The following DOCK1 variants were observed in gnomAD, a reference collection of about 807,000 sequenced individuals.
DOCK1 encodes the protein dedicator of cytokinesis 1, also known as dedicator of cytokinesis protein 1.
DOCK1 carries 138 observed loss-of-function variants against 262.7 expected under a neutral mutation model. That is an observed-to-expected ratio of 0.53 (90% CI 0.46 to 0.61). The LOEUF is 0.61. DOCK1 is among the 20% of genes least tolerant of loss of function. The pLI is 0.00. For missense variants in DOCK1, 1,908 were observed against 2,370.7 expected, an observed-to-expected ratio of 0.80 and a Z score of 4.05; for synonymous variants, 866 against 867.4, an observed-to-expected ratio of 1.00 and a Z score of 0.03.
chr10:127,398,941 G>T (rs1473339591), intron 38 of DOCK1, among the ~76,000 whole-genome samples: 4 of 152,110 alleles, frequency 2.6e-5, no homozygotes, highest in African/African-American at 9.7e-5. Context: ...CTTCTGTCTG[G>T]GAACTAAGGA....
chr10:127,318,605 G>A (rs950090070), intron 29 of DOCK1, among the ~76,000 whole-genome samples: 3 of 152,356 alleles, frequency 2.0e-5, no homozygotes, highest in Non-Finnish European at 4.4e-5. Flanking sequence ...CCTGCAGTGA[G>A]AGTGAAGCTC....
chr10:127,173,546 A>T (rs1020866194), intron 27 of DOCK1, among the ~76,000 whole-genome samples: 1 of 152,286 alleles, frequency 6.6e-6, no homozygotes. Context: ...TCCTGTGAGT[A>T]TGCACATTAG....
rs1301234768 is a variant in DOCK1 at position 127,374,112 on chromosome 10, T to C, written c.3573T>C (p.Phe1191=). 5 of 1,613,512 alleles carry C rather than the reference T, an allele frequency of 3.1e-6. No individual in the cohort carries two copies. Among genetic ancestry groups the C allele is most frequent in the East Asian group, 2.2e-5 (1 of 44,890 alleles). Residue 1191 remains phenylalanine, a synonymous_variant, in exon 35 of 52, where the codon TTT becomes TTC. Transcript: ENST00000623213. The part of the protein sequence containing the change: ...HKYLAKTGET[F]VKLVVRLMER... ...ACCTCGCCAAAACAGGAGAAACTTTTGTAAAACTCGTTGTGCGCTTAATGG... is the reference window on the plus strand; with the variant it reads ...ACCTCGCCAAAACAGGAGAAACTTTCGTAAAACTCGTTGTGCGCTTAATGG...
chr10:127,085,838 A>G (rs745700336), intron 23 of DOCK1, among the ~76,000 whole-genome samples: 2 of 152,172 alleles, frequency 1.3e-5, no homozygotes, highest in Admixed American at 6.5e-5. Flanking sequence ...GATCTAAATT[A>G]TAGAAGCCAT....
chr10:127,018,430 C>G (rs2042173295), intron 12 of DOCK1, among the ~76,000 whole-genome samples: 1 of 152,182 alleles, frequency 6.6e-6, no homozygotes, highest in Admixed American at 6.5e-5. Context: ...TGGTCCTTGG[C>G]ATTCCTCAGC....
chr10:127,357,643 C>G lies in DOCK1; in HGVS notation c.3283+2916C>G, dbSNP rs187664952. 1.3e-4 allele frequency among the ~76,000 whole-genome samples: 20 copies of G among 152,298 alleles called. No homozygotes were observed. In the East Asian group the frequency reaches 3.9e-3, roughly 29 times the overall value. On this transcript the variant is annotated intron_variant, in intron 32 of 51. Transcript: ENST00000623213. ...GGTGTGTGTTTTGCAGCTTTTTAGC[C>G]AGGAACACTGACTGTGGCCTGAGAA...
At chr10:127,103,714 T>G (rs1356937410) in intron 23 of DOCK1, among the ~76,000 whole-genome samples, 3 of 152,182 alleles carry the variant, frequency 2.0e-5, no homozygotes, top group Non-Finnish European at 2.9e-5. Context: ...GTTCCGTGCT[T>G]AATTATCACT....
At chr10:126,951,520 G>T (rs987811378) in intron 1 of DOCK1, among the ~76,000 whole-genome samples, 1 of 151,642 alleles carries the variant, frequency 6.6e-6, no homozygotes, top group South Asian at 2.1e-4. Flanking sequence ...TGTTGTTTTT[G>T]TTGGTATTAT....
intron 27 of DOCK1, among the ~76,000 whole-genome samples, chr10:127,160,128 G>T (rs1399639138): frequency 6.9e-6 from 1 of 143,972 alleles, no homozygotes; most frequent in Admixed American, 6.8e-5. Context: ...TGGTTAAAAG[G>T]TCAGGAAAGA....
At chr10:127,070,229 G>A (rs1261758071) in intron 23 of DOCK1, among the ~76,000 whole-genome samples, 1 of 148,968 alleles carries the variant, frequency 6.7e-6, no homozygotes, top group Non-Finnish European at 1.5e-5. Context: ...AGGTCCCAAG[G>A]GTTGGAACTT....
intron 22 of DOCK1, among the ~76,000 whole-genome samples, chr10:127,056,548 C>T (rs917405453): frequency 6.6e-6 from 1 of 152,118 alleles, no homozygotes; most frequent in African/African-American, 2.4e-5. Flanking sequence ...TCTTTTCCTC[C>T]CTTCTTCCCT....
Position 127,052,662 on chromosome 10 carries a change from G to A in DOCK1, c.2202-19G>A, listed in dbSNP as rs762137238. ...TTTCCTTTCCTGAGCTTATTTGTGC[G>A]TGTTTGCATTGTGAATAGGAAGTTG... On this transcript the variant is annotated intron_variant, in intron 21 of 51. Coordinates refer to ENST00000623213, the MANE Select transcript of DOCK1 (RefSeq NM_001290223.2). 7 of 1,613,720 alleles carry A rather than the reference G, an allele frequency of 4.3e-6. No homozygotes were observed. Among genetic ancestry groups the A allele is most frequent in the South Asian group, 3.3e-5 (3 of 91,070 alleles).
chr10:127,379,459 C>G (rs1026477477), intron 35 of DOCK1, among the ~76,000 whole-genome samples: 10 of 152,182 alleles, frequency 6.6e-5, no homozygotes, highest in Non-Finnish European at 1.3e-4. Flanking sequence ...ATGGAAATGT[C>G]TTGTGTAGAC....
chr10:127,153,498 T>A (rs1486182343), intron 27 of DOCK1, among the ~76,000 whole-genome samples: 1 of 152,208 alleles, frequency 6.6e-6, no homozygotes, highest in Non-Finnish European at 1.5e-5. Context: ...CGGTGTGCTT[T>A]CAAGCCTTTG....
chr10:127,166,360 C>T (rs773567738), intron 27 of DOCK1, among the ~76,000 whole-genome samples: 2 of 151,894 alleles, frequency 1.3e-5, no homozygotes, highest in East Asian at 2.0e-4. Context: ...CCACCGCGCC[C>T]GGCCCAAAAA....
At chr10:127,213,308 C>G (rs188035122) in intron 27 of DOCK1, among the ~76,000 whole-genome samples, 1 of 152,246 alleles carries the variant, frequency 6.6e-6, no homozygotes, top group African/African-American at 2.4e-5. Context: ...GGTAGTTTTT[C>G]TTTTTATTCA....
intron 31 of DOCK1, among the ~76,000 whole-genome samples, chr10:127,350,425 C>G (rs1186552229): frequency 6.6e-6 from 1 of 152,122 alleles, no homozygotes; most frequent in Non-Finnish European, 1.5e-5. Context: ...TCCTCCTGCC[C>G]AGAATGCTCT....
At chr10:127,134,756 G>A (rs1326404037) in intron 27 of DOCK1, among the ~76,000 whole-genome samples, 5 of 152,146 alleles carry the variant, frequency 3.3e-5, no homozygotes, top group Non-Finnish European at 2.9e-5. Context: ...AAGAACATGC[G>A]ATGGTAGCAG....
At chr10:127,133,631 A>T (rs1157542529) in intron 27 of DOCK1, among the ~76,000 whole-genome samples, 1 of 152,216 alleles carries the variant, frequency 6.6e-6, no homozygotes, top group Non-Finnish European at 1.5e-5. Flanking sequence ...ACTGCAGAAG[A>T]AGTAAAAACC....
Sources: gnomAD v4.1 joint callset for allele counts (sites outside exome capture counted in the v4.1 genomes callset) on GRCh38, gnomAD v4.1.1 for gene constraint, MANE v1.5 for transcripts, NCBI Gene and HGNC (gene_info 2026-07-23, HGNC 2026-07-21) for gene names.